SCML4: variants seen among roughly 807,000 people sequenced by gnomAD.
The protein encoded by SCML4 is Scm polycomb group protein like 4.
In SCML4, 34 loss-of-function variants were observed where a neutral mutation model predicts 41.1. That is an observed-to-expected ratio of 0.83 (90% CI 0.63 to 1.10). SCML4 has a LOEUF of 1.10. SCML4 is among the 50% of genes least tolerant of loss of function. The probability of loss-of-function intolerance (pLI) is 0.00; values close to 1 mark genes in which losing one functional copy is unlikely to be tolerated. For synonymous variants in SCML4, 214 were observed against 220.9 expected, an observed-to-expected ratio of 0.97 and a Z score of 0.28; for missense variants, 522 against 534.1, an observed-to-expected ratio of 0.98 and a Z score of 0.22.
intron 6 of SCML4, among the ~76,000 whole-genome samples, chr6:107,709,188 A>T: frequency 6.6e-6 from 1 of 151,994 alleles, no homozygotes; most frequent in East Asian, 1.9e-4. Context: ...CTCCCTTACC[A>T]ACACACTGAG....
rs543060112 is a variant in SCML4, at chr6:107,813,370, TTATATATATATATATA to T, written c.-60+10740_-60+10755del. Among the ~76,000 whole-genome samples the T allele has an allele frequency of 1.6e-3, 68 of 42,446 alleles. 1 individual carries two copies. The highest frequency in any genetic ancestry group is 4.6e-3 in the African/African-American group (34 of 7,336). 27.8% of individuals were successfully genotyped at this position (42,446 alleles called of 152,430 possible). A position where few individuals can be genotyped will look rare whatever the true frequency, so the allele number is the denominator to read the frequency against. On this transcript the variant is annotated intron_variant, in intron 1 of 7. Transcript: ENST00000369020. ...AGAGTGAGACGCCATCTCAAAAAAA[TTATATATATATATATA>T]TATATATATATATATATATATATAT...
the SCML4 span, among the ~76,000 whole-genome samples, chr6:107,842,700 T>A: frequency 6.6e-6 from 1 of 152,188 alleles, no homozygotes; most frequent in Admixed American, 6.5e-5. Context: ...GGCCTGGTCT[T>A]TTGTGATTTT....
intron 7 of SCML4, 76 bp from the exon 8 acceptor site, chr6:107,705,401 G>T: frequency 7.2e-7 from 1 of 1,394,472 alleles, no homozygotes; most frequent in Admixed American, 2.0e-5. Flanking sequence ...AGGTTAAGGT[G>T]TGGTCAAGGG....
intron 6 of SCML4, among the ~76,000 whole-genome samples, chr6:107,713,830 C>A (rs538766379): frequency 4.2e-4 from 64 of 152,302 alleles, no homozygotes; most frequent in African/African-American, 1.4e-3. Flanking sequence ...CCTGCTCCCA[C>A]TAGATGCATC....
At chr6:107,800,007 G>GT (rs1184671295) in intron 1 of SCML4, among the ~76,000 whole-genome samples, 1 of 150,588 alleles carries the variant, frequency 6.6e-6, no homozygotes. Flanking sequence ...TGGGAATGTG[G>GT]TTTTTTGTTT....
intron 2 of SCML4, among the ~76,000 whole-genome samples, chr6:107,770,406 G>A (rs1232105009): frequency 6.6e-6 from 1 of 152,144 alleles, no homozygotes; most frequent in Non-Finnish European, 1.5e-5. Context: ...CACACAGAAT[G>A]GCACCCGGTT....
the SCML4 span, among the ~76,000 whole-genome samples, chr6:107,834,979 G>A: frequency 6.6e-6 from 1 of 150,784 alleles, no homozygotes; most frequent in Non-Finnish European, 1.5e-5. Flanking sequence ...ATTTCAGGGA[G>A]GAAAAAAATT....
chr6:107,830,024 C>A, the SCML4 span, among the ~76,000 whole-genome samples: 1 of 152,204 alleles, frequency 6.6e-6, no homozygotes, highest in African/African-American at 2.4e-5. Flanking sequence ...GCTTCACTAT[C>A]ACGAATATTT....
At chr6:107,774,547 G>A (rs1188498663) in intron 1 of SCML4, among the ~76,000 whole-genome samples, 1 of 152,162 alleles carries the variant, frequency 6.6e-6, no homozygotes, top group African/African-American at 2.4e-5. Flanking sequence ...GTTGGTCCGA[G>A]TCTAATTTTG....
chr6:107,785,789 C>T (rs934628280), intron 1 of SCML4, among the ~76,000 whole-genome samples: 1 of 152,122 alleles, frequency 6.6e-6, no homozygotes, highest in East Asian at 1.9e-4. Flanking sequence ...TAGTATCTCA[C>T]GGATAATGAC....
the SCML4 span, among the ~76,000 whole-genome samples, chr6:107,836,228 A>T: frequency 6.6e-6 from 1 of 152,304 alleles, no homozygotes; most frequent in South Asian, 2.1e-4. Context: ...GCTGTTTCGA[A>T]AAAGAGTTCT....
intron 1 of SCML4, among the ~76,000 whole-genome samples, chr6:107,809,709 T>G (rs1392765170): frequency 6.6e-6 from 1 of 152,088 alleles, no homozygotes; most frequent in Non-Finnish European, 1.5e-5. Context: ...TGAGTCCAGT[T>G]TTGGAAACGT....
At chr6:107,831,748 T>A in the SCML4 span, among the ~76,000 whole-genome samples, 3 of 152,020 alleles carry the variant, frequency 2.0e-5, no homozygotes, top group African/African-American at 7.3e-5. Flanking sequence ...GCAAAACCCA[T>A]CTCTACTAAA....
Position 107,744,974 on chromosome 6 carries a change from C to G in SCML4, c.657G>C (p.Glu219Asp). The G allele has an allele frequency of 6.2e-7, 1 of 1,612,960 alleles. No homozygotes were observed. Among genetic ancestry groups the G allele is most frequent in the Non-Finnish European group, 8.5e-7 (1 of 1,179,486 alleles). ...CTGATTCCATCCTCCCTTCCTCTTT[C>G]TCCTGGACTTTCTCAGAGGCACTGC... Reference protein sequence around the residue: ...RGCSASEKVQEKEEGRMESVK... With the variant: ...RGCSASEKVQDKEEGRMESVK... Residue 219 changes from glutamate to aspartate, a missense_variant, in exon 5 of 8, where the codon GAG becomes GAC. Physicochemically the swap from Glu to Asp is conservative, Grantham distance 45. Coordinates refer to ENST00000369020, the MANE Select transcript of SCML4 (RefSeq NM_198081.5).
chr6:107,762,846 G>A (rs1779708735), intron 2 of SCML4, among the ~76,000 whole-genome samples: 1 of 118,166 alleles, frequency 8.5e-6, no homozygotes, highest in Non-Finnish European at 1.8e-5. Flanking sequence ...GTTGTGTTTT[G>A]TTATATCAGC....
chr6:107,839,117 T>G, the SCML4 span, among the ~76,000 whole-genome samples: 1 of 151,920 alleles, frequency 6.6e-6, no homozygotes, highest in Non-Finnish European at 1.5e-5. Flanking sequence ...CTGGGCAACA[T>G]GGTGAAACCC....
chr6:107,767,295 A>G (rs1490200163), intron 2 of SCML4, among the ~76,000 whole-genome samples: 1 of 152,156 alleles, frequency 6.6e-6, no homozygotes. Flanking sequence ...AACTCCAAGC[A>G]ATACAACATC....
intron 6 of SCML4, among the ~76,000 whole-genome samples, chr6:107,711,319 A>T (rs1375627797): frequency 6.6e-6 from 1 of 152,244 alleles, no homozygotes; most frequent in East Asian, 1.9e-4. Flanking sequence ...GGCTCAGAGT[A>T]CATATACAGT....
chr6:107,812,350 G>C (rs561735334), intron 1 of SCML4, among the ~76,000 whole-genome samples: 14 of 152,190 alleles, frequency 9.2e-5, no homozygotes, highest in Non-Finnish European at 1.5e-4. Context: ...CCATACCAGA[G>C]AGCCCTAGCT....
Sources: gnomAD v4.1 joint callset for allele counts (sites outside exome capture counted in the v4.1 genomes callset) on GRCh38, gnomAD v4.1.1 for gene constraint, MANE v1.5 for transcripts, NCBI Gene and HGNC (gene_info 2026-07-23, HGNC 2026-07-21) for gene names.